The following UGT2A2 variants were observed in gnomAD, a reference collection of about 807,000 sequenced individuals.
UGT2A2 encodes the protein UDP-glucuronosyltransferase 2A2.
In UGT2A2, 60 loss-of-function variants were observed where a neutral mutation model predicts 50.7. That is an observed-to-expected ratio of 1.18 (90% CI 0.96 to 1.47). The LOEUF (loss-of-function observed/expected upper bound fraction) is 1.47. Ranked by LOEUF, UGT2A2 falls within the 40% of genes most tolerant of loss-of-function variation. UGT2A2 has a pLI of 0.00. For synonymous variants in UGT2A2, 242 were observed against 214.6 expected, an observed-to-expected ratio of 1.13 and a Z score of -1.11; for missense variants, 762 against 634.0, an observed-to-expected ratio of 1.20 and a Z score of -2.17.
chr4:69,606,465 C>T (rs1287218629), intron 1 of UGT2A2, among the ~76,000 whole-genome samples: 1 of 136,488 alleles, frequency 7.3e-6, no homozygotes, highest in East Asian at 2.1e-4. Context: ...CAGCCAATAT[C>T]ATACTGAATG....
chr4:69,609,684 A>C (rs1719914465), intron 1 of UGT2A2, among the ~76,000 whole-genome samples: 1 of 127,654 alleles, frequency 7.8e-6, no homozygotes, highest in Admixed American at 7.5e-5. Context: ...ACCTATACCC[A>C]CACCTATACC....
chr4:69,625,794 A>G (rs1394197422), intron 1 of UGT2A2, among the ~76,000 whole-genome samples: 1 of 151,654 alleles, frequency 6.6e-6, no homozygotes, highest in South Asian at 2.1e-4. Context: ...GGAAGACTTA[A>G]AAAATCAATA....
chr4:69,600,044 T>G (rs1324229005), intron 1 of UGT2A2, among the ~76,000 whole-genome samples: 7 of 151,926 alleles, frequency 4.6e-5, no homozygotes, highest in African/African-American at 1.7e-4. Context: ...CACAGAAACT[T>G]AACAGAAAAA....
At chr4:69,599,711 A>C in intron 1 of UGT2A2, 1 of 189,752 alleles carries the variant, frequency 5.3e-6, no homozygotes, top group Non-Finnish European at 1.0e-5. Context: ...GAGAGAGAGG[A>C]AGAGAGAGAG....
intron 1 of UGT2A2, among the ~76,000 whole-genome samples, chr4:69,617,400 T>C (rs1449223960): frequency 6.6e-6 from 1 of 151,936 alleles, no homozygotes; most frequent in Non-Finnish European, 1.5e-5. Context: ...TACTTATGTT[T>C]ATACAAAGAT....
chr4:69,607,149 C>T (rs1283822757), intron 1 of UGT2A2, among the ~76,000 whole-genome samples: 1 of 148,586 alleles, frequency 6.7e-6, no homozygotes, highest in Non-Finnish European at 1.5e-5. Flanking sequence ...GGAGGCATCA[C>T]ACTACCTGAC....
At chr4:69,612,694 G>A (rs530817620) in intron 1 of UGT2A2, among the ~76,000 whole-genome samples, 70 of 151,878 alleles carry the variant, frequency 4.6e-4, no homozygotes, top group African/African-American at 1.6e-3. Context: ...GAAAGAAACC[G>A]GATTGTCACA....
chr4:69,605,754 C>A (rs1478786368), intron 1 of UGT2A2, among the ~76,000 whole-genome samples: 1 of 136,190 alleles, frequency 7.3e-6, no homozygotes, highest in Non-Finnish European at 1.6e-5. Context: ...ACCACCGATC[C>A]CACAGAAATA....
Position 69,589,520 on chromosome 4 carries a change from T to C in UGT2A2, c.1463A>G (p.His488Arg), listed in dbSNP as rs766375229. ...KGAKHLRVAAHDLTWFQYHSL... is the reference protein window; with the variant it reads ...KGAKHLRVAARDLTWFQYHSL... Reference sequence around the variant, plus strand: ...GTGGTACTGGAACCAGGTGAGGTCATGGGCTGCAACCCGAAGGTGCTTGGC... The same window carrying C: ...GTGGTACTGGAACCAGGTGAGGTCACGGGCTGCAACCCGAAGGTGCTTGGC... The change falls in exon 6 of 6, where the codon CAT becomes CGT. Residue 488 changes from histidine to arginine, a missense_variant. Coordinates refer to ENST00000604629, the MANE Select transcript of UGT2A2 (RefSeq NM_001105677.2). 3 of 1,614,138 alleles carry C rather than the reference T, an allele frequency of 1.9e-6. No individual in the cohort carries two copies. The highest frequency in any genetic ancestry group is 1.7e-5 in the Admixed American group (1 of 60,010).
At chr4:69,616,215 T>C (rs780112964) in intron 1 of UGT2A2, among the ~76,000 whole-genome samples, 1 of 151,730 alleles carries the variant, frequency 6.6e-6, no homozygotes, top group Non-Finnish European at 1.5e-5. Flanking sequence ...GAGAGATGGT[T>C]ACCAGAGGCT....
intron 4 of UGT2A2, 118 bp downstream of exon 4, chr4:69,595,044 A>C: frequency 7.3e-7 from 1 of 1,372,136 alleles, no homozygotes; most frequent in South Asian, 1.3e-5. Context: ...CTGCTTTAAA[A>C]TTGAGTGTCA....
At chr4:69,625,963 T>G (rs995613153) in intron 1 of UGT2A2, among the ~76,000 whole-genome samples, 1 of 151,620 alleles carries the variant, frequency 6.6e-6, no homozygotes. Context: ...ATCTTAAAGA[T>G]ACTCAATAAC....
intron 2 of UGT2A2, 94 bp from the exon 3 acceptor site, chr4:69,596,475 T>C: frequency 7.4e-7 from 1 of 1,360,084 alleles, no homozygotes; most frequent in Non-Finnish European, 9.6e-7. Flanking sequence ...TTAAGATATA[T>C]GTCAGAGAAA....
rs894454989 is a variant in UGT2A2, at chr4:69,605,457, C to T, written c.743-6063G>A. Among the ~76,000 whole-genome samples the T allele has an allele frequency of 2.2e-5, 3 of 136,626 alleles. 1 individual carries two copies. Among genetic ancestry groups the T allele is most frequent in the African/African-American group, 8.9e-5 (3 of 33,624 alleles). 89.6% of individuals were successfully genotyped at this position (136,626 alleles called of 152,430 possible). A position where few individuals can be genotyped will look rare whatever the true frequency, so the allele number is the denominator to read the frequency against. On this transcript the variant is annotated intron_variant, in intron 1 of 5. Transcript: ENST00000604629. ...GGAAATTTATAGCACTAAATGCCCA[C>T]AGAACAGAGCAGGAAAGATCTAAAA...
intron 1 of UGT2A2, among the ~76,000 whole-genome samples, chr4:69,611,547 T>A (rs534705082): frequency 6.6e-6 from 1 of 151,628 alleles, no homozygotes; most frequent in Admixed American, 6.6e-5. Context: ...TAGCTCAGAG[T>A]TTTTTTCTCC....
rs1023158777 is a variant in UGT2A2 at position 69,606,339 on chromosome 4, T to C, written c.743-6945A>G. On this transcript the variant is annotated intron_variant, in intron 1 of 5. Coordinates refer to ENST00000604629, the MANE Select transcript of UGT2A2 (RefSeq NM_001105677.2). ...GACAAAAACCACATGATTATCTCAA[T>C]AGATGCAGAAAAGGCCTTGAAAAAA... Among the ~76,000 whole-genome samples, 2 of 136,240 alleles carry C rather than the reference T, an allele frequency of 1.5e-5. 1 individual carries two copies. The highest frequency in any genetic ancestry group is 3.1e-5 in the Non-Finnish European group (2 of 64,232). 89.4% of individuals were successfully genotyped at this position (136,240 alleles called of 152,430 possible). A position where few individuals can be genotyped will look rare whatever the true frequency, so the allele number is the denominator to read the frequency against.
In UGT2A2 at chr4:69,605,988, AG is replaced by A. The variant is rs775499631; in HGVS notation, c.743-6595del. Among the ~76,000 whole-genome samples, 72 of 137,086 alleles carry A rather than the reference AG, an allele frequency of 5.3e-4. 14 individuals are homozygous for A. Among genetic ancestry groups the A allele is most frequent in the Non-Finnish European group, 1.0e-3 (66 of 64,364 alleles). The allele number at this position is 137,086 out of a possible 152,430, so 89.9% of individuals were successfully genotyped here. A position where few individuals can be genotyped will look rare whatever the true frequency, so the allele number is the denominator to read the frequency against. ...GATGGATTCACAGCTGAATTCTACC[AG>A]AAGTACAAGGAGGAGCTGGTACCAT... On this transcript the variant is annotated intron_variant, in intron 1 of 5. Coordinates refer to ENST00000604629, the MANE Select transcript of UGT2A2 (RefSeq NM_001105677.2).
In UGT2A2 at chr4:69,589,347, A is replaced by G; in HGVS notation, c.*25T>C. The G allele has an allele frequency of 1.3e-6, 2 of 1,578,606 alleles. No homozygotes were observed. The highest frequency in any genetic ancestry group is 2.7e-5 in the African/African-American group (2 of 73,422). The stretch of plus-strand genomic sequence containing the variant: ...TCAGGATTTTGCCAAACTTAAAAAT[A>G]TATATATTTCCTCTTTTTCTTGACC... On this transcript the variant is annotated 3_prime_UTR_variant, in exon 6 of 6. Transcript: ENST00000604629.
At chr4:69,624,264 T>C (rs552149033) in intron 1 of UGT2A2, among the ~76,000 whole-genome samples, 1 of 151,632 alleles carries the variant, frequency 6.6e-6, no homozygotes, top group Non-Finnish European at 1.5e-5. Flanking sequence ...TCTCTGAAGG[T>C]CTAATTTATC....
Sources: gnomAD v4.1 joint callset for allele counts (sites outside exome capture counted in the v4.1 genomes callset) on GRCh38, gnomAD v4.1.1 for gene constraint, MANE v1.5 for transcripts, NCBI Gene and HGNC (gene_info 2026-07-23, HGNC 2026-07-21) for gene names.